The following CCDC93 variants were observed in gnomAD, a reference collection of about 807,000 sequenced individuals.
CCDC93 encodes coiled-coil domain-containing protein 93.
CCDC93 carries 61 observed loss-of-function variants against 108.2 expected under a neutral mutation model. The observed-to-expected ratio is 0.56, with a 90% CI of 0.46 to 0.70. CCDC93 has a LOEUF of 0.70. Ranked by LOEUF, CCDC93 falls within the 30% of genes least tolerant of loss-of-function variation. The probability of loss-of-function intolerance (pLI) is 0.00; values close to 1 mark genes in which losing one functional copy is unlikely to be tolerated. For missense variants in CCDC93, 685 were observed against 764.2 expected, an observed-to-expected ratio of 0.90 and a Z score of 1.22; for synonymous variants, 276 against 260.4, an observed-to-expected ratio of 1.06 and a Z score of -0.58.
intron 13 of CCDC93, chr2:117,950,024 G>C (rs1679003223): frequency 3.0e-6 from 3 of 985,424 alleles, no homozygotes; most frequent in East Asian, 1.1e-4. Context: ...CTCAGAGGCA[G>C]GGCGGGGTCC....
In CCDC93 at chr2:117,915,629, A is replaced by AG. The variant is rs1468857459; in HGVS notation, c.*4713dup. On this transcript the variant is annotated 3_prime_UTR_variant, in exon 24 of 24. Coordinates refer to ENST00000376300, the MANE Select transcript of CCDC93 (RefSeq NM_019044.5). The stretch of plus-strand genomic sequence containing the variant: ...ACATGTACATGGTACAAAATTCAAA[A>AG]GGTACAAAAGGTGTACATTGAAAAG... 3 of 152,244 alleles carry AG rather than the reference A, an allele frequency of 2.0e-5. 1 individual carries two copies. The East Asian group carries it at 5.8e-4, about 29-fold the overall frequency. The allele number at this position is 152,244 out of a possible 1,614,324, so 9.4% of individuals were successfully genotyped here. A position where few individuals can be genotyped will look rare whatever the true frequency, so the allele number is the denominator to read the frequency against.
intron 23 of CCDC93, among the ~76,000 whole-genome samples, chr2:117,920,941 T>C (rs1210046668): frequency 1.3e-5 from 2 of 152,122 alleles, no homozygotes; most frequent in African/African-American, 4.8e-5. Context: ...CCCAGCACTT[T>C]GGGAGGCCGA....
chr2:117,973,622 C>A (rs1383145749), intron 11 of CCDC93, among the ~76,000 whole-genome samples: 1 of 152,186 alleles, frequency 6.6e-6, no homozygotes, highest in African/African-American at 2.4e-5. Context: ...AAATGCTCAT[C>A]CCATACCCTC....
At chr2:117,938,243 C>G (rs551396101) in intron 20 of CCDC93, among the ~76,000 whole-genome samples, 1 of 152,298 alleles carries the variant, frequency 6.6e-6, no homozygotes, top group African/African-American at 2.4e-5. Flanking sequence ...AAACCCAAAT[C>G]TGACTGACGC....
intron 23 of CCDC93, chr2:117,930,711 T>C (rs1012151743): frequency 4.9e-5 from 9 of 184,398 alleles, no homozygotes; most frequent in Non-Finnish European, 9.0e-5. Flanking sequence ...AGATTCTATA[T>C]CTGAATCCAC....
intron 23 of CCDC93, among the ~76,000 whole-genome samples, chr2:117,928,057 T>C (rs140624866): frequency 6.6e-6 from 1 of 151,286 alleles, no homozygotes; most frequent in South Asian, 2.1e-4. Context: ...GGCTAGCCAT[T>C]ATGTAGAAAG....
chr2:118,004,118 C>T (rs1211433410), intron 3 of CCDC93, among the ~76,000 whole-genome samples: 1 of 152,208 alleles, frequency 6.6e-6, no homozygotes, highest in African/African-American at 2.4e-5. Flanking sequence ...AGTTCCACCA[C>T]AACTCTGAAA....
intron 4 of CCDC93, chr2:118,000,593 A>G (rs573086345): frequency 2.2e-6 from 1 of 458,768 alleles, no homozygotes; most frequent in South Asian, 3.7e-5. Context: ...AAGTCAGATG[A>G]GAACATTCAA....
Position 117,939,063 on chromosome 2 carries a change from G to A in CCDC93, c.1571C>T (p.Thr524Ile). 1 of 1,604,470 alleles carries A rather than the reference G, an allele frequency of 6.2e-7. No homozygotes were observed. The highest frequency in any genetic ancestry group is 1.1e-5 in the South Asian group (1 of 90,658). Reference protein sequence around the residue: ...ETKQFFTLYNTLDDKKVYLEK... With the variant: ...ETKQFFTLYNILDDKKVYLEK... ...CAAATAAACCTTTTTATCATCCAGG[G>A]TATTATATAAAGTGAAGAACTGCTT... The change falls in exon 20 of 24, where the codon ACC becomes ATC. Residue 524 changes from threonine to isoleucine, a missense_variant. Thr to Ile is a moderately conservative substitution (Grantham distance 89, BLOSUM62 -1). Transcript: ENST00000376300.
At chr2:117,939,168 T>C in intron 19 of CCDC93, 57 bp from the exon 20 acceptor site, 1 of 1,046,876 alleles carries the variant, frequency 9.6e-7, no homozygotes, top group Admixed American at 1.9e-5. Flanking sequence ...ACACCCTACC[T>C]GCCCCTCTCC....
intron 23 of CCDC93, among the ~76,000 whole-genome samples, chr2:117,927,860 T>C (rs1484391467): frequency 1.3e-5 from 2 of 152,094 alleles, no homozygotes; most frequent in African/African-American, 4.8e-5. Context: ...CTTCAAACTA[T>C]ACTACAAGGC....
At chr2:117,930,976 A>C in intron 23 of CCDC93, 61 bp downstream of exon 23, 2 of 1,094,614 alleles carry the variant, frequency 1.8e-6, no homozygotes, top group Non-Finnish European at 2.7e-6. Context: ...TTTAGTGGCT[A>C]CTTTTGAGGT....
In CCDC93 at chr2:118,000,649, G is replaced by A. The variant is rs139924490; in HGVS notation, c.363+172C>T. 634 of 573,064 alleles carry A rather than the reference G, an allele frequency of 1.1e-3. 5 individuals carry two copies. The highest frequency in any genetic ancestry group is 0.011 in the African/African-American group (580 of 53,428). The allele number at this position is 573,064 out of a possible 1,614,324, so 35.5% of individuals were successfully genotyped here. The stretch of plus-strand genomic sequence containing the variant: ...ATGAAACTAGAGTATATGCAGGACT[G>A]GCAATCTTCTGAAGATGACGACAAC... On this transcript the variant is annotated intron_variant, in intron 4 of 23. Coordinates refer to ENST00000376300, the MANE Select transcript of CCDC93 (RefSeq NM_019044.5).
intron 9 of CCDC93, 45 bp from the exon 10 acceptor site, chr2:117,974,945 T>A: frequency 6.7e-7 from 1 of 1,500,980 alleles, no homozygotes; most frequent in Middle Eastern, 1.7e-4. Context: ...GTTCTGAACA[T>A]GTAAGACAGA....
chr2:117,957,593 T>C (rs1313548377), intron 12 of CCDC93, among the ~76,000 whole-genome samples: 1 of 152,170 alleles, frequency 6.6e-6, no homozygotes, highest in Non-Finnish European at 1.5e-5. Context: ...CACTCCCCTA[T>C]TTAAACACGT....
chr2:117,940,349 C>T (rs1678658487), intron 19 of CCDC93, among the ~76,000 whole-genome samples: 1 of 152,046 alleles, frequency 6.6e-6, no homozygotes, highest in Non-Finnish European at 1.5e-5. Flanking sequence ...TTTAGCCTGA[C>T]AGAAGAAAAA....
At chr2:117,952,281 C>T (rs571264537) in intron 13 of CCDC93, 92 bp downstream of exon 13, 2 of 880,868 alleles carry the variant, frequency 2.3e-6, no homozygotes, top group Admixed American at 3.5e-5. Flanking sequence ...CTCCCACACA[C>T]AGACCGATGA....
chr2:117,965,543 A>T (rs546902095), intron 11 of CCDC93, among the ~76,000 whole-genome samples: 3 of 152,230 alleles, frequency 2.0e-5, no homozygotes, highest in African/African-American at 7.2e-5. Context: ...GGTTATTATC[A>T]GGCAAAAATA....
At chr2:117,987,890 T>A (rs1680366711) in intron 6 of CCDC93, among the ~76,000 whole-genome samples, 1 of 152,150 alleles carries the variant, frequency 6.6e-6, no homozygotes, top group Non-Finnish European at 1.5e-5. Context: ...CTGCTGTATC[T>A]GTGCTGTCCA....
Sources: allele counts gnomAD v4.1 joint callset (sites outside exome capture counted in the v4.1 genomes callset), GRCh38; gene constraint gnomAD v4.1.1; transcripts MANE v1.5; gene names NCBI Gene and HGNC (gene_info 2026-07-23, HGNC 2026-07-21).